CCDC88C: variants seen among roughly 807,000 people sequenced by gnomAD.
CCDC88C encodes the protein coiled-coil and HOOK domain protein 88C.
In CCDC88C, 131 loss-of-function variants were observed where a neutral mutation model predicts 198.8. That is an observed-to-expected ratio of 0.66 (90% CI 0.57 to 0.76). The LOEUF (loss-of-function observed/expected upper bound fraction) is 0.76. Ranked by LOEUF, CCDC88C falls within the 30% of genes least tolerant of loss-of-function variation. CCDC88C has a pLI of 0.00. For missense variants in CCDC88C, 2,553 were observed against 2,631.6 expected (o/e 0.97, Z 0.65); for synonymous variants, 1,166 against 1,114.7 (o/e 1.05, Z -0.92).
At chr14:91,295,742 C>T (rs1323175091) in intron 22 of CCDC88C, among the ~76,000 whole-genome samples, 3 of 152,188 alleles carry the variant, frequency 2.0e-5, no homozygotes, top group African/African-American at 7.2e-5. Flanking sequence ...TATGCTGCTT[C>T]GCTTCTGCCA....
rs1016208117 is a variant in CCDC88C, at chr14:91,408,244, C to A, written c.270+415G>T. 4.3e-5 allele frequency: 8 copies of A among 187,442 alleles called. No homozygotes were observed. The Admixed American group carries it at 4.5e-4, about 10-fold the overall frequency. 11.6% of individuals were successfully genotyped at this position (187,442 alleles called of 1,614,324 possible). On this transcript the variant is annotated intron_variant, in intron 3 of 29. Transcript: ENST00000389857. ...TCTTGGTCCCATCTTCATAACCCTCCAGTGGTTCCTCCTCTCCCTCAACCC... is the reference window on the plus strand; with the variant it reads ...TCTTGGTCCCATCTTCATAACCCTCAAGTGGTTCCTCCTCTCCCTCAACCC...
chr14:91,311,958 A>T (rs1891847928), intron 15 of CCDC88C, among the ~76,000 whole-genome samples: 1 of 152,068 alleles, frequency 6.6e-6, no homozygotes, highest in Admixed American at 6.6e-5. Context: ...ATAAAATTTT[A>T]AAAATAAATT....
rs2139765893 is a variant in CCDC88C, at chr14:91,297,311, G to A, written c.3960C>T (p.His1320=). The A allele has an allele frequency of 6.2e-7, 1 of 1,613,066 alleles. No individual in the cohort carries two copies. The highest frequency in any genetic ancestry group is 1.1e-5 in the South Asian group (1 of 90,810). The change falls in exon 22 of 30, where the codon CAC becomes CAT. Residue 1320 remains histidine (H), a synonymous_variant. Transcript: ENST00000389857. ...CCCCTGGCGCTGGCCTCACCTCACA[G>A]TGGTTGTCCAGCTTGGTCAGCGAGA... The part of the protein sequence containing the change: ...MDISLTKLDN[H]CELLSRLKGN...
intron 20 of CCDC88C, among the ~76,000 whole-genome samples, chr14:91,301,586 G>A (rs1247864905): frequency 3.9e-5 from 6 of 152,160 alleles, no homozygotes; most frequent in East Asian, 1.9e-4. Flanking sequence ...GTGTGGTGGT[G>A]CATGCCTGTA....
intron 3 of CCDC88C, among the ~76,000 whole-genome samples, chr14:91,391,078 A>G (rs549124993): frequency 6.6e-6 from 1 of 152,326 alleles, no homozygotes; most frequent in East Asian, 1.9e-4. Flanking sequence ...TTCAACACCA[A>G]GCGCTTAACA....
At position 91,330,530 on chromosome 14, in the gene CCDC88C, G is replaced by T. The variant is rs1322134924; in HGVS notation, c.1051-4474C>A. ...TAACATGAGCGAGGATGCCAGTGAGGCTGAGCCACACTCTTCAACACCCGC... is the reference window on the plus strand; with the variant it reads ...TAACATGAGCGAGGATGCCAGTGAGTCTGAGCCACACTCTTCAACACCCGC... On this transcript the variant is annotated intron_variant, in intron 10 of 29. Transcript: ENST00000389857. Among the ~76,000 whole-genome samples the T allele has an allele frequency of 2.0e-5, 3 of 152,196 alleles. No individual in the cohort carries two copies. In the East Asian group the frequency reaches 5.8e-4, roughly 29 times the overall value.
At chr14:91,367,757 A>C (rs1269287925) in intron 3 of CCDC88C, among the ~76,000 whole-genome samples, 1 of 152,168 alleles carries the variant, frequency 6.6e-6, no homozygotes, top group Non-Finnish European at 1.5e-5. Flanking sequence ...TTAACTGCTA[A>C]GTGTGGGCAG....
intron 3 of CCDC88C, among the ~76,000 whole-genome samples, chr14:91,377,359 G>T (rs563249736): frequency 4.1e-4 from 62 of 152,340 alleles, no homozygotes; most frequent in African/African-American, 1.5e-3. Flanking sequence ...GAGCGATGGT[G>T]CTGAACTGCT....
chr14:91,356,230 C>G (rs952337213), intron 4 of CCDC88C, among the ~76,000 whole-genome samples: 1 of 152,302 alleles, frequency 6.6e-6, no homozygotes, highest in Non-Finnish European at 1.5e-5. Context: ...GGTGGATGTC[C>G]GCTGCCAGCC....
rs768871715 is a variant in CCDC88C, at chr14:91,417,673, C to T, written c.18G>A (p.Ser6=). ...TCTGCAGGAAGAGCTCCAGGAGCTC[C>T]GAGACTGTCACGTCCATGCTGAGGC... The part of the protein sequence containing the change: MDVTV[S]ELLELFLQSP... Residue 6 remains serine, a synonymous_variant, in exon 1 of 30, where the codon TCG becomes TCA. Coordinates refer to ENST00000389857, the MANE Select transcript of CCDC88C (RefSeq NM_001080414.4). The T allele has an allele frequency of 2.5e-6, 4 of 1,581,456 alleles. No homozygotes were observed. The Admixed American group carries it at 5.2e-5, about 21-fold the overall frequency.
Position 91,312,863 on chromosome 14 carries a change from C to T in CCDC88C, c.2736+217G>A, listed in dbSNP as rs141976997. Among the ~76,000 whole-genome samples, 8 of 152,260 alleles carry T rather than the reference C, an allele frequency of 5.3e-5. 1 individual carries two copies. Among genetic ancestry groups the T allele is most frequent in the East Asian group, 3.9e-4 (2 of 5,190 alleles). ...GTACACACGAGGGAAAATGATGAAA[C>T]GAAACAACTCAAACTATGAGAAGCG... On this transcript the variant is annotated intron_variant, in intron 15 of 29. Coordinates refer to ENST00000389857, the MANE Select transcript of CCDC88C (RefSeq NM_001080414.4).
At chr14:91,396,082 G>C (rs1885820608) in intron 3 of CCDC88C, among the ~76,000 whole-genome samples, 1 of 152,070 alleles carries the variant, frequency 6.6e-6, no homozygotes, top group Non-Finnish European at 1.5e-5. Flanking sequence ...ATTACATCTC[G>C]AAGGATCAAG....
chr14:91,321,037 T>C, intron 13 of CCDC88C, 83 bp downstream of exon 13: 1 of 1,352,456 alleles, frequency 7.4e-7, no homozygotes, highest in Non-Finnish European at 1.0e-6. Context: ...CCTCCTTGTC[T>C]GTGCTCCAGA....
intron 3 of CCDC88C, among the ~76,000 whole-genome samples, chr14:91,369,455 C>A (rs1264712278): frequency 2.0e-5 from 3 of 152,234 alleles, no homozygotes; most frequent in Non-Finnish European, 4.4e-5. Context: ...ATCCACCCAC[C>A]TCGGCCTCCC....
At chr14:91,341,242 A>G (rs1426918717) in intron 6 of CCDC88C, among the ~76,000 whole-genome samples, 1 of 152,128 alleles carries the variant, frequency 6.6e-6, no homozygotes, top group Non-Finnish European at 1.5e-5. Flanking sequence ...TCCAGACCCA[A>G]TGCTGGGGAA....
At chr14:91,335,886 T>C (rs896651574) in intron 10 of CCDC88C, among the ~76,000 whole-genome samples, 2 of 152,200 alleles carry the variant, frequency 1.3e-5, no homozygotes, top group Non-Finnish European at 2.9e-5. Context: ...CCTGACACTA[T>C]GGGCATCCGA....
intron 3 of CCDC88C, among the ~76,000 whole-genome samples, chr14:91,374,568 G>C (rs1039547398): frequency 1.3e-5 from 2 of 151,630 alleles, no homozygotes; most frequent in African/African-American, 2.4e-5. Flanking sequence ...CCAGGTGGAC[G>C]GGTGGAACTG....
intron 14 of CCDC88C, 105 bp downstream of exon 14, chr14:91,315,545 G>C (rs1204851480): frequency 3.2e-6 from 4 of 1,266,876 alleles, no homozygotes; most frequent in Non-Finnish European, 3.3e-6. Context: ...CTAGGTAACG[G>C]ATAATCCATG....
chr14:91,279,420 C>G lies in CCDC88C; in HGVS notation c.4700-114G>C. ...AATCCCATGCCAAAGCTAAGCCCAA[C>G]GCCCTCAGGAAGGAGGAGCTCTGGG... On this transcript the variant is annotated intron_variant, in intron 27 of 29. Transcript: ENST00000389857. 3.6e-6 allele frequency: 3 copies of G among 841,068 alleles called. No individual in the cohort carries two copies. The Admixed American group carries it at 8.0e-5, about 22-fold the overall frequency. 52.1% of individuals were successfully genotyped at this position (841,068 alleles called of 1,614,324 possible).
Sources: gnomAD v4.1 joint callset for allele counts (sites outside exome capture counted in the v4.1 genomes callset) on GRCh38, gnomAD v4.1.1 for gene constraint, MANE v1.5 for transcripts, NCBI Gene and HGNC (gene_info 2026-07-23, HGNC 2026-07-21) for gene names.